The following MACROD2 variants were observed in gnomAD, a reference collection of about 807,000 sequenced individuals.
MACROD2 encodes the protein ADP-ribose glycohydrolase MACROD2.
MACROD2 carries 36 observed loss-of-function variants against 70.4 expected under a neutral mutation model. That is an observed-to-expected ratio of 0.51 (90% CI 0.39 to 0.68). MACROD2 has a LOEUF of 0.68. MACROD2 is among the 30% of genes least tolerant of loss of function. MACROD2 has a pLI of 0.00. For synonymous variants in MACROD2, 172 were observed against 178.8 expected, an observed-to-expected ratio of 0.96 and a Z score of 0.30; for missense variants, 496 against 538.4, an observed-to-expected ratio of 0.92 and a Z score of 0.78.
intron 6 of MACROD2, among the ~76,000 whole-genome samples, chr20:15,350,115 A>T (rs766843368): frequency 6.6e-6 from 1 of 152,160 alleles, no homozygotes; most frequent in Non-Finnish European, 1.5e-5. Flanking sequence ...TAACTTGGAG[A>T]TTTAATTACC....
intron 3 of MACROD2, among the ~76,000 whole-genome samples, chr20:14,294,011 A>G (rs1203803569): frequency 6.6e-6 from 1 of 151,798 alleles, no homozygotes; most frequent in Non-Finnish European, 1.5e-5. Context: ...CCAAGTCCCA[A>G]ATCGGGACAC....
chr20:15,670,396 G>A (rs1424956931), intron 8 of MACROD2, among the ~76,000 whole-genome samples: 1 of 152,110 alleles, frequency 6.6e-6, no homozygotes, highest in Non-Finnish European at 1.5e-5. Flanking sequence ...CCGTCCTGAT[G>A]CAACACGAAC....
At chr20:14,598,829 AC>A in intron 4 of MACROD2, among the ~76,000 whole-genome samples, 1 of 152,274 alleles carries the variant, frequency 6.6e-6, no homozygotes, top group East Asian at 1.9e-4. Context: ...GACATATGCC[AC>A]AAATCTTGGG....
Position 15,484,187 on chromosome 20 carries a change from C to T in MACROD2, c.572-15587C>T, listed in dbSNP as rs114859246. On this transcript the variant is annotated intron_variant, in intron 7 of 17. Coordinates refer to ENST00000684519, the MANE Select transcript of MACROD2 (RefSeq NM_001351661.2). ...TCCATATCTGATTCTGATGCTTGATCTGTCTCTTCAAACTTTTGCTTTTTT... is the reference window on the plus strand; with the variant it reads ...TCCATATCTGATTCTGATGCTTGATTTGTCTCTTCAAACTTTTGCTTTTTT... Among the ~76,000 whole-genome samples the T allele has an allele frequency of 1.5e-3, 235 of 152,098 alleles. 1 individual carries two copies. The highest frequency in any genetic ancestry group is 5.7e-3 in the African/African-American group (235 of 41,496).
intron 15 of MACROD2, among the ~76,000 whole-genome samples, chr20:16,016,573 T>C (rs1249384352): frequency 1.3e-5 from 2 of 152,208 alleles, no homozygotes; most frequent in Non-Finnish European, 2.9e-5. Flanking sequence ...TTTACTCTTG[T>C]TGCCCAGGCT....
At chr20:14,059,396 C>T (rs1190214163) in intron 2 of MACROD2, among the ~76,000 whole-genome samples, 1 of 152,114 alleles carries the variant, frequency 6.6e-6, no homozygotes, top group Non-Finnish European at 1.5e-5. Flanking sequence ...GTGAAAAAGA[C>T]AAGACCCCTG....
At chr20:14,130,887 A>G (rs2054708253) in intron 3 of MACROD2, among the ~76,000 whole-genome samples, 1 of 151,930 alleles carries the variant, frequency 6.6e-6, no homozygotes. Context: ...TTTATCTTCA[A>G]GATCTGTGAA....
At chr20:14,372,676 A>G (rs1319539918) in intron 3 of MACROD2, among the ~76,000 whole-genome samples, 1 of 152,068 alleles carries the variant, frequency 6.6e-6, no homozygotes, top group African/African-American at 2.4e-5. Flanking sequence ...TTTATTTCTT[A>G]GTTATGGTAG....
At chr20:14,352,338 A>G (rs974082142) in intron 3 of MACROD2, 2 of 152,194 alleles carry the variant, frequency 1.3e-5, no homozygotes, top group Non-Finnish European at 2.9e-5. Flanking sequence ...TCGGCAGCAC[A>G]TAGACTTAAA....
At chr20:15,286,215 G>T (rs2077490038) in intron 6 of MACROD2, among the ~76,000 whole-genome samples, 1 of 152,178 alleles carries the variant, frequency 6.6e-6, no homozygotes, top group South Asian at 2.1e-4. Context: ...GGATTGAAAA[G>T]AAAAAGAAAA....
intron 4 of MACROD2, among the ~76,000 whole-genome samples, chr20:14,604,528 GA>G (rs1349900795): frequency 6.6e-6 from 1 of 152,154 alleles, no homozygotes; most frequent in Admixed American, 6.5e-5. Flanking sequence ...GCTGCGTTTA[GA>G]AGGGCTTTCT....
intron 5 of MACROD2, among the ~76,000 whole-genome samples, chr20:14,982,719 G>C (rs1471261086): frequency 6.6e-6 from 1 of 152,216 alleles, no homozygotes; most frequent in Admixed American, 6.5e-5. Flanking sequence ...GATTTCAGAA[G>C]ATGTATAGAA....
intron 3 of MACROD2, among the ~76,000 whole-genome samples, chr20:14,205,872 C>G (rs2081519051): frequency 6.6e-6 from 1 of 152,196 alleles, no homozygotes; most frequent in African/African-American, 2.4e-5. Flanking sequence ...TAAATAGATA[C>G]AAAGCCTTCT....
At chr20:14,715,284 C>T (rs1430107986) in intron 5 of MACROD2, among the ~76,000 whole-genome samples, 1 of 152,158 alleles carries the variant, frequency 6.6e-6, no homozygotes, top group Non-Finnish European at 1.5e-5. Flanking sequence ...TCAATTACCT[C>T]CCACTGGGTC....
intron 4 of MACROD2, among the ~76,000 whole-genome samples, chr20:14,598,025 T>C (rs948811910): frequency 2.0e-5 from 3 of 152,142 alleles, no homozygotes; most frequent in Admixed American, 6.5e-5. Flanking sequence ...CTACCTTTGT[T>C]TGCCTTCTTA....
chr20:14,046,627 C>T (rs1172924068), intron 2 of MACROD2, among the ~76,000 whole-genome samples: 1 of 152,100 alleles, frequency 6.6e-6, no homozygotes, highest in African/African-American at 2.4e-5. Flanking sequence ...CAAAATTTAT[C>T]CTTCCTACAG....
chr20:14,998,633 A>C (rs954770969), intron 5 of MACROD2, among the ~76,000 whole-genome samples: 1 of 152,196 alleles, frequency 6.6e-6, no homozygotes, highest in African/African-American at 2.4e-5. Context: ...TAGGATCGAG[A>C]AAATAGTTTC....
intron 5 of MACROD2, among the ~76,000 whole-genome samples, chr20:14,748,605 T>G (rs1305879108): frequency 1.3e-5 from 2 of 152,128 alleles, no homozygotes; most frequent in Non-Finnish European, 2.9e-5. Context: ...TAAATTGACT[T>G]AAATGTATCA....
At chr20:15,901,404 C>T (rs1483155657) in intron 10 of MACROD2, among the ~76,000 whole-genome samples, 1 of 152,134 alleles carries the variant, frequency 6.6e-6, no homozygotes, top group Non-Finnish European at 1.5e-5. Flanking sequence ...TTGATGTTCT[C>T]CTGGACTCTC....
Sources: allele counts gnomAD v4.1 joint callset (sites outside exome capture counted in the v4.1 genomes callset), GRCh38; gene constraint gnomAD v4.1.1; transcripts MANE v1.5; gene names NCBI Gene and HGNC (gene_info 2026-07-23, HGNC 2026-07-21).